The following SLC25A18 variants were observed in gnomAD, a reference collection of about 807,000 sequenced individuals.
SLC25A18 encodes solute carrier family 25 member 18.
SLC25A18 carries 24 observed loss-of-function variants against 31.1 expected under a neutral mutation model. The observed-to-expected ratio is 0.77, with a 90% CI of 0.56 to 1.08. The LOEUF is 1.08. SLC25A18 is among the 50% of genes least tolerant of loss of function. SLC25A18 has a pLI of 0.00. For synonymous variants in SLC25A18, 173 were observed against 161.9 expected (o/e 1.07, Z -0.52); for missense variants, 371 against 418.5 (o/e 0.89, Z 0.99).
At chr22:17,570,339 A>C (rs1214174838) in intron 2 of SLC25A18, 3 of 152,284 alleles carry the variant, frequency 2.0e-5, no homozygotes, top group African/African-American at 7.2e-5. Flanking sequence ...CCAGCTCCTC[A>C]CAGTGGGAAT....
intron 1 of SLC25A18, among the ~76,000 whole-genome samples, chr22:17,565,171 C>G (rs112325995): frequency 2.5e-4 from 38 of 152,226 alleles, no homozygotes; most frequent in African/African-American, 7.9e-4. Flanking sequence ...ACTCCGCCCC[C>G]CCGGGTTCAC....
At chr22:17,578,724 A>G (rs2057295329) in intron 2 of SLC25A18, among the ~76,000 whole-genome samples, 1 of 152,172 alleles carries the variant, frequency 6.6e-6, no homozygotes, top group African/African-American at 2.4e-5. Context: ...TGAGGTCGGA[A>G]AAAATACAAA....
chr22:17,565,226 G>A (rs953442268), intron 1 of SLC25A18, among the ~76,000 whole-genome samples: 3 of 151,626 alleles, frequency 2.0e-5, no homozygotes, highest in Admixed American at 6.6e-5. Flanking sequence ...GACTACAGGT[G>A]CCTGCCACTA....
intron 7 of SLC25A18, among the ~76,000 whole-genome samples, chr22:17,583,796 T>G (rs550513235): frequency 6.6e-6 from 1 of 152,044 alleles, no homozygotes; most frequent in South Asian, 2.1e-4. Flanking sequence ...ATACAAAAAT[T>G]AGCCGGGCGT....
intron 9 of SLC25A18, chr22:17,588,786 C>A (rs899388355): frequency 2.0e-5 from 3 of 152,030 alleles, no homozygotes; most frequent in Non-Finnish European, 2.9e-5. Flanking sequence ...CCAACAGTAA[C>A]CTGGCCAGGT....
At chr22:17,583,742 G>A (rs752987837) in intron 7 of SLC25A18, among the ~76,000 whole-genome samples, 3 of 151,804 alleles carry the variant, frequency 2.0e-5, no homozygotes, top group Admixed American at 6.6e-5. Flanking sequence ...TCAGGAGTTC[G>A]AGACCAGCCT....
intron 5 of SLC25A18, chr22:17,581,824 T>C (rs934337499): frequency 5.4e-6 from 1 of 184,384 alleles, no homozygotes; most frequent in African/African-American, 2.4e-5. Context: ...GGACAATGGA[T>C]CCCAAGCTGG....
chr22:17,570,621 A>G (rs1301881206), intron 2 of SLC25A18, among the ~76,000 whole-genome samples: 1 of 152,136 alleles, frequency 6.6e-6, no homozygotes, highest in East Asian at 1.9e-4. Flanking sequence ...AGTAGCTGGG[A>G]CTACAGGTGC....
At chr22:17,586,623 T>C (rs2057555850) in intron 7 of SLC25A18, among the ~76,000 whole-genome samples, 1 of 152,098 alleles carries the variant, frequency 6.6e-6, no homozygotes, top group African/African-American at 2.4e-5. Context: ...CTACTAAAAA[T>C]ACAAAAATCA....
intron 1 of SLC25A18, among the ~76,000 whole-genome samples, chr22:17,567,894 A>G (rs1448085577): frequency 6.6e-6 from 1 of 151,958 alleles, no homozygotes; most frequent in South Asian, 2.1e-4. Flanking sequence ...TTCTGCAGAA[A>G]GGGTACACTT....
At chr22:17,579,682 AT>A in intron 2 of SLC25A18, 62 bp from the exon 3 acceptor site, 1 of 1,258,134 alleles carries the variant, frequency 7.9e-7, no homozygotes, top group Non-Finnish European at 1.0e-6. Context: ...GGCCGCATGA[AT>A]CCACTAGTGA....
intron 1 of SLC25A18, among the ~76,000 whole-genome samples, chr22:17,568,614 T>G (rs1313676771): frequency 1.7e-5 from 2 of 117,654 alleles, no homozygotes; most frequent in Non-Finnish European, 3.2e-5. Flanking sequence ...CAGGCTGGAG[T>G]GCAGTGGTGC....
At chr22:17,579,063 TTTTGTTTGTTTG>T (rs695243) in intron 2 of SLC25A18, among the ~76,000 whole-genome samples, 5,879 of 150,112 alleles carry the variant, frequency 0.039, 241 homozygotes, top group African/African-American at 0.11. Context: ...TAAGTGGGTT[TTTTGTTTGTTTG>T]TTTGTTTGTT....
In SLC25A18 at chr22:17,586,734, G is replaced by A. The variant is rs1601342726; in HGVS notation, c.410-402G>A. 2.0e-5 allele frequency among the ~76,000 whole-genome samples: 3 copies of A among 152,132 alleles called. 1 individual carries two copies. On this transcript the variant is annotated intron_variant, in intron 7 of 10. Coordinates refer to ENST00000327451, the MANE Select transcript of SLC25A18 (RefSeq NM_031481.3). Reference sequence around the variant, plus strand: ...GCAGAGGTTGCAGTGAGCCGAGATCGCACCACTGCAAAAAAATAAATAAAA... The same window carrying A: ...GCAGAGGTTGCAGTGAGCCGAGATCACACCACTGCAAAAAAATAAATAAAA...
In SLC25A18 at chr22:17,581,144, C is replaced by A. The variant is rs759240616; in HGVS notation, c.128C>A (p.Ala43Asp). The A allele has an allele frequency of 1.3e-6, 2 of 1,598,498 alleles. No individual in the cohort carries two copies. Among genetic ancestry groups the A allele is most frequent in the Non-Finnish European group, 1.7e-6 (2 of 1,172,364 alleles). Residue 43 changes from alanine to aspartate, a missense_variant, in exon 4 of 11, where the codon GCC becomes GAC. By Grantham distance (126) the Ala-to-Asp change is moderately radical. Coordinates refer to ENST00000327451, the MANE Select transcript of SLC25A18 (RefSeq NM_031481.3). ...CGCCTGCAGAACCAGCATGGGAAAG[C>A]CATGTACAAAGGAATGTAGGTGCTG... ...KTRLQNQHGK[A>D]MYKGMIDCLM...
intron 1 of SLC25A18, among the ~76,000 whole-genome samples, chr22:17,565,207 A>C (rs2056903736): frequency 6.6e-6 from 1 of 151,784 alleles, no homozygotes; most frequent in African/African-American, 2.4e-5. Flanking sequence ...CAGCCTCCCG[A>C]GTAGCTGGGA....
rs191783037 is a variant in SLC25A18, at chr22:17,568,465, G to A, written c.-263-1459G>A. On this transcript the variant is annotated intron_variant, in intron 1 of 10. Coordinates refer to ENST00000327451, the MANE Select transcript of SLC25A18 (RefSeq NM_031481.3). Reference sequence around the variant, plus strand: ...CACCTTTAAATAAGGAAGAGGAACAGGCTATGACCTAATGTTTGTTTGGAC... The same window carrying A: ...CACCTTTAAATAAGGAAGAGGAACAAGCTATGACCTAATGTTTGTTTGGAC... 1.6e-3 allele frequency among the ~76,000 whole-genome samples: 236 copies of A among 151,548 alleles called. 5 individuals are homozygous for A. Among genetic ancestry groups the A allele is most frequent in the Non-Finnish European group, 8.7e-4 (59 of 67,930 alleles).
At chr22:17,570,793 C>T (rs116521084) in intron 2 of SLC25A18, among the ~76,000 whole-genome samples, 4 of 152,054 alleles carry the variant, frequency 2.6e-5, no homozygotes, top group African/African-American at 7.2e-5. Context: ...GCCTCAAGAC[C>T]GTCTTAACTC....
chr22:17,580,493 G>A (rs1569185619), intron 3 of SLC25A18: 11 of 986,322 alleles, frequency 1.1e-5, no homozygotes, highest in African/African-American at 1.7e-5. Context: ...AGGGCTGACC[G>A]ACTTGAAGCC....
Sources: gnomAD v4.1 joint callset for allele counts (sites outside exome capture counted in the v4.1 genomes callset) on GRCh38, gnomAD v4.1.1 for gene constraint, MANE v1.5 for transcripts, NCBI Gene and HGNC (gene_info 2026-07-23, HGNC 2026-07-21) for gene names.